HACD2: variants seen among roughly 807,000 people sequenced by gnomAD.
The protein encoded by HACD2 is very-long-chain (3R)-3-hydroxyacyl-CoA dehydratase 2.
A neutral mutation model predicts 31.0 loss-of-function variants in HACD2; 15 were observed. The observed-to-expected ratio is 0.48, with a 90% CI of 0.32 to 0.75. The LOEUF (loss-of-function observed/expected upper bound fraction) is 0.75. Ranked by LOEUF, HACD2 falls within the 30% of genes least tolerant of loss-of-function variation. The pLI, the probability that HACD2 is intolerant of heterozygous loss-of-function variation, is 0.03. For synonymous variants in HACD2, 115 were observed against 122.2 expected, an observed-to-expected ratio of 0.94 and a Z score of 0.39; for missense variants, 283 against 313.0, an observed-to-expected ratio of 0.90 and a Z score of 0.72.
At chr3:123,576,189 C>T (rs1043884762) in intron 2 of HACD2, among the ~76,000 whole-genome samples, 6 of 152,070 alleles carry the variant, frequency 3.9e-5, no homozygotes, top group African/African-American at 9.7e-5. Context: ...TTCAGTATCA[C>T]CTATTTCTTG....
Position 123,582,228 on chromosome 3 carries a change from G to C in HACD2, c.257C>G (p.Thr86Ser), listed in dbSNP as rs1166927971. ...AGGACCTACCTCCAATAAGGCTCCAGTTTGAAAGAATTTCAAAGGCTTTTC... is the reference window on the plus strand; with the variant it reads ...AGGACCTACCTCCAATAAGGCTCCACTTTGAAAGAATTTCAAAGGCTTTTC... ...SIEKPLKFFQ[T>S]GALLEILHCA... The change falls in exon 2 of 7, where the codon ACT becomes AGT. Residue 86 changes from threonine (T) to serine (S), a missense_variant. Thr to Ser is a moderately conservative substitution (Grantham distance 58). Around this residue, in one of 3 missense-constraint regions of HACD2, gnomAD observed 158 missense variants for 148.3 expected, o/e 1.07. Coordinates refer to ENST00000383657, the MANE Select transcript of HACD2 (RefSeq NM_198402.5). 4 of 1,589,384 alleles carry C rather than the reference G, an allele frequency of 2.5e-6. No homozygotes were observed.
intron 3 of HACD2, among the ~76,000 whole-genome samples, chr3:123,530,393 A>G (rs1309204765): frequency 5.4e-5 from 8 of 149,204 alleles, no homozygotes; most frequent in African/African-American, 2.0e-4. Context: ...CTGGGACCAC[A>G]CGGTGTGCCA....
intron 2 of HACD2, among the ~76,000 whole-genome samples, chr3:123,570,292 T>C (rs142802409): frequency 2.6e-5 from 4 of 152,268 alleles, no homozygotes; most frequent in Non-Finnish European, 4.4e-5. Flanking sequence ...ATAAAGTAAT[T>C]TATTTTTCAA....
chr3:123,546,678 T>A (rs972717026), intron 3 of HACD2, among the ~76,000 whole-genome samples: 1 of 152,208 alleles, frequency 6.6e-6, no homozygotes, highest in African/African-American at 2.4e-5. Flanking sequence ...CCTACTTGAT[T>A]AAAGCCACAG....
At chr3:123,528,320 G>A (rs1387905610) in intron 4 of HACD2, 66 bp downstream of exon 4, 15 of 950,590 alleles carry the variant, frequency 1.6e-5, no homozygotes, top group Non-Finnish European at 2.6e-5. Context: ...TAACAAACAT[G>A]TGAATCAGAA....
chr3:123,573,992 G>A (rs189522165), intron 2 of HACD2, among the ~76,000 whole-genome samples: 50 of 152,298 alleles, frequency 3.3e-4, no homozygotes, highest in African/African-American at 1.1e-3. Context: ...TGTATTCACT[G>A]CACATAATGA....
At position 123,577,927 on chromosome 3, in the gene HACD2, C is replaced by G. The variant is rs149354434; in HGVS notation, c.273+4285G>C. On this transcript the variant is annotated intron_variant, in intron 2 of 6. Transcript: ENST00000383657. ...AATTCACAATTTTAAACTGTACAAT[C>G]TAGTGGTTTTTAATATGTTCACAGA... Among the ~76,000 whole-genome samples, 379 of 152,254 alleles carry G rather than the reference C, an allele frequency of 2.5e-3. 2 individuals are homozygous for G. Among genetic ancestry groups the G allele is most frequent in the African/African-American group, 8.5e-3 (355 of 41,532 alleles).
intron 6 of HACD2, among the ~76,000 whole-genome samples, chr3:123,495,965 A>T (rs2055827238): frequency 6.6e-6 from 1 of 152,128 alleles, no homozygotes; most frequent in Admixed American, 6.5e-5. Flanking sequence ...CTCCAGGTAA[A>T]ATGCTCTTTG....
intron 4 of HACD2, among the ~76,000 whole-genome samples, chr3:123,525,774 T>TTAA (rs1412357524): frequency 6.6e-5 from 10 of 152,190 alleles, no homozygotes; most frequent in African/African-American, 2.4e-4. Flanking sequence ...AATTTGAACA[T>TTAA]TACTACAAGA....
chr3:123,498,418 G>T (rs968439895), intron 6 of HACD2, among the ~76,000 whole-genome samples: 2 of 152,208 alleles, frequency 1.3e-5, no homozygotes, highest in Non-Finnish European at 2.9e-5. Flanking sequence ...TGAAAGAGGG[G>T]TCCCCAACCG....
chr3:123,569,414 G>A (rs950961633), intron 2 of HACD2, among the ~76,000 whole-genome samples: 3 of 152,200 alleles, frequency 2.0e-5, no homozygotes, highest in South Asian at 2.1e-4. Context: ...CAGGCAGAGT[G>A]CAGTGGTGCA....
chr3:123,516,388 C>T (rs376694270), intron 4 of HACD2, among the ~76,000 whole-genome samples: 2 of 152,032 alleles, frequency 1.3e-5, no homozygotes, highest in South Asian at 2.1e-4. Flanking sequence ...GCGCCCGCTG[C>T]GACGCCCGGC....
intron 4 of HACD2, among the ~76,000 whole-genome samples, chr3:123,517,152 C>T (rs371116497): frequency 5.3e-5 from 8 of 152,340 alleles, no homozygotes; most frequent in African/African-American, 1.9e-4. Context: ...CTCCATACAA[C>T]CTGATGGCTG....
At chr3:123,498,551 G>T (rs889923249) in intron 6 of HACD2, among the ~76,000 whole-genome samples, 11 of 152,196 alleles carry the variant, frequency 7.2e-5, no homozygotes, top group Non-Finnish European at 1.3e-4. Context: ...TGTGAACCCT[G>T]TTGTAAACTG....
At chr3:123,541,660 T>A (rs2056492077) in intron 3 of HACD2, among the ~76,000 whole-genome samples, 1 of 152,162 alleles carries the variant, frequency 6.6e-6, no homozygotes, top group South Asian at 2.1e-4. Flanking sequence ...ACTTGATAGA[T>A]GTGAGGTTGG....
chr3:123,528,308 C>A, intron 4 of HACD2, 78 bp downstream of exon 4: 1 of 870,826 alleles, frequency 1.1e-6, no homozygotes. Flanking sequence ...ACTCTTTAGC[C>A]ATAACAAACA....
In HACD2 at chr3:123,500,526, G is replaced by A; in HGVS notation, c.671C>T (p.Ser224Phe). The A allele has an allele frequency of 6.2e-7, 1 of 1,601,530 alleles. No homozygotes were observed. Among genetic ancestry groups the A allele is most frequent in the Non-Finnish European group, 8.5e-7 (1 of 1,171,248 alleles). ...AACTGTTTACTTACTTGGAATGTAG[G>A]AGATCATTATTAGAATCAGGAATGC... ...YYAFLILIMI[S>F]YIPIFPQLYF... Residue 224 changes from serine (S) to phenylalanine (F), a missense_variant, in exon 6 of 7, where the codon TCC (serine) becomes TTC (phenylalanine). By Grantham distance (155) the Ser-to-Phe change is radical. Coordinates refer to ENST00000383657, the MANE Select transcript of HACD2 (RefSeq NM_198402.5).
intron 3 of HACD2, among the ~76,000 whole-genome samples, chr3:123,548,983 G>A (rs567052291): frequency 6.7e-6 from 1 of 149,604 alleles, no homozygotes; most frequent in Non-Finnish European, 1.5e-5. Flanking sequence ...ATTACTTAAT[G>A]ATCTCGTATG....
intron 2 of HACD2, among the ~76,000 whole-genome samples, chr3:123,571,057 A>G (rs2056850769): frequency 6.6e-6 from 1 of 152,230 alleles, no homozygotes; most frequent in Non-Finnish European, 1.5e-5. Context: ...CTAAACAGGA[A>G]TCTCAAAACT....
Sources: allele counts gnomAD v4.1 joint callset (sites outside exome capture counted in the v4.1 genomes callset), GRCh38; gene constraint gnomAD v4.1.1; regional missense constraint gnomAD v4.1.1; transcripts MANE v1.5; gene names NCBI Gene and HGNC (gene_info 2026-07-23, HGNC 2026-07-21).